The following PRRC2B variants were observed in gnomAD, a reference collection of about 807,000 sequenced individuals.
The protein encoded by PRRC2B is proline rich coiled-coil 2B, also known as protein PRRC2B.
In PRRC2B, 68 loss-of-function variants were observed where a neutral mutation model predicts 242.3. The ratio of observed to expected loss-of-function variants is 0.28; its 90% confidence interval spans 0.23 to 0.34. The LOEUF is 0.34. PRRC2B is among the 10% of genes least tolerant of loss of function. PRRC2B has a pLI of 1.00. For missense variants in PRRC2B, 2,835 were observed against 2,954.8 expected, an observed-to-expected ratio of 0.96 and a Z score of 0.94; for synonymous variants, 1,228 against 1,173.6, an observed-to-expected ratio of 1.05 and a Z score of -0.95.
intron 1 of PRRC2B, among the ~76,000 whole-genome samples, chr9:131,402,176 G>A (rs1038395369): frequency 6.6e-6 from 1 of 152,138 alleles, no homozygotes; most frequent in African/African-American, 2.4e-5. Context: ...GGCTGGTCTC[G>A]AACTCCTGAG....
Position 131,464,858 on chromosome 9 carries a change from C to T in PRRC2B, c.1500C>T (p.Ser500=), listed in dbSNP as rs370710773. 20 of 1,613,558 alleles carry T rather than the reference C, an allele frequency of 1.2e-5. No individual in the cohort carries two copies. The highest frequency in any genetic ancestry group is 4.0e-5 in the African/African-American group (3 of 74,866). ...PRQKFIQSEM[S]EAVERARKRR... is the part of the protein sequence containing the mutation. ...AGAAGTTCATTCAGTCAGAGATGTC[C>T]GAGGCGGTGGAGCGAGCCCGAAAGC... Residue 500 remains serine, a synonymous_variant, in exon 12 of 32, where the codon TCC becomes TCT. Transcript: ENST00000683519.
At position 131,487,415 on chromosome 9, in the gene PRRC2B, G is replaced by T; in HGVS notation, c.5984+121G>T. ...GCTTTGGGGCCAGTGGGGCGGGGAG[G>T]GGTGGGAGTTTGCTCTGAATCACTC... On this transcript the variant is annotated intron_variant, in intron 27 of 31. Transcript: ENST00000683519. This position sits in a 1 kb window ranked among gnomAD's most constrained non-coding sequence, Gnocchi z 5.3. 1 of 830,046 alleles carries T rather than the reference G, an allele frequency of 1.2e-6. No homozygotes were observed. The highest frequency in any genetic ancestry group is 1.8e-6 in the Non-Finnish European group (1 of 554,558). 51.4% of individuals were successfully genotyped at this position (830,046 alleles called of 1,614,324 possible).
chr9:131,435,605 A>G (rs1838330862), intron 3 of PRRC2B, among the ~76,000 whole-genome samples: 1 of 146,970 alleles, frequency 6.8e-6, no homozygotes, highest in East Asian at 2.0e-4. Context: ...GCAGAATGAG[A>G]CTCCATCTAA....
rs1943703120 is a variant in PRRC2B at position 131,476,468 on chromosome 9, C to T, written c.4339C>T (p.Pro1447Ser). Residue 1447 changes from proline to serine, a missense_variant, in exon 16 of 32, where the codon CCA becomes TCA. Coordinates refer to ENST00000683519, the MANE Select transcript of PRRC2B (RefSeq NM_013318.4). ...PGGFGEKPVR[P>S]GGGDTSPRYE... is the part of the protein sequence containing the mutation. ...AGGGTTTGGGGAGAAGCCCGTTAGGCCAGGTGGTGGTGACACCTCCCCTCG... is the reference window on the plus strand; with the variant it reads ...AGGGTTTGGGGAGAAGCCCGTTAGGTCAGGTGGTGGTGACACCTCCCCTCG... 1.2e-6 allele frequency: 2 copies of T among 1,612,918 alleles called. No individual in the cohort carries two copies. Among genetic ancestry groups the T allele is most frequent in the African/African-American group, 2.7e-5 (2 of 74,920 alleles).
Position 131,414,098 on chromosome 9 carries a change from G to C in PRRC2B, c.-51-15996G>C, listed in dbSNP as rs141959424. On this transcript the variant is annotated intron_variant, in intron 1 of 31. Coordinates refer to ENST00000683519, the MANE Select transcript of PRRC2B (RefSeq NM_013318.4). ...AAAAGATAGACAAATAGGCTGATTG[G>C]AGGGAACAGTCTTCAAACAAACTGC... Among the ~76,000 whole-genome samples, 439 of 152,306 alleles carry C rather than the reference G, an allele frequency of 2.9e-3. 1 individual carries two copies. Among genetic ancestry groups the C allele is most frequent in the Middle Eastern group, 0.014 (4 of 292 alleles).
rs748896617 is a variant in PRRC2B at position 131,475,481 on chromosome 9, C to T, written c.3352C>T (p.Pro1118Ser). The change falls in exon 16 of 32, where the codon CCA (proline) becomes TCA (serine). Residue 1118 changes from proline to serine, a missense_variant. Coordinates refer to ENST00000683519, the MANE Select transcript of PRRC2B (RefSeq NM_013318.4). ...CCGGGGCCTGCGAGAGTTTGCGCGG[C>T]CAGAGGACTGCCCCAGAGCCAAGCC... ...RGRGLREFAR[P>S]EDCPRAKPRR... The T allele has an allele frequency of 2.5e-6, 4 of 1,595,192 alleles. No individual in the cohort carries two copies. The highest frequency in any genetic ancestry group is 1.4e-5 in the African/African-American group (1 of 73,978).
At chr9:131,439,889 A>C (rs1304493097) in intron 5 of PRRC2B, among the ~76,000 whole-genome samples, 3 of 126,024 alleles carry the variant, frequency 2.4e-5, no homozygotes, top group Non-Finnish European at 4.9e-5. Flanking sequence ...GTGTACCACG[A>C]CATCTGGCTG....
intron 14 of PRRC2B, 64 bp from the exon 15 acceptor site, chr9:131,473,444 G>A (rs1360147162): frequency 2.5e-5 from 32 of 1,294,658 alleles, no homozygotes; most frequent in Non-Finnish European, 3.4e-5. Context: ...GCCTTTGGTT[G>A]ACCCTGAGAT....
Position 131,482,990 on chromosome 9 carries a change from G to A in PRRC2B, c.5373+83G>A. 1 of 1,479,140 alleles carries A rather than the reference G, an allele frequency of 6.8e-7. No homozygotes were observed. Among genetic ancestry groups the A allele is most frequent in the African/African-American group, 1.4e-5 (1 of 71,648 alleles). 91.6% of individuals were successfully genotyped at this position (1,479,140 alleles called of 1,614,324 possible). A position where few individuals can be genotyped will look rare whatever the true frequency, so the allele number is the denominator to read the frequency against. On this transcript the variant is annotated intron_variant, in intron 22 of 31. Transcript: ENST00000683519. This position sits in a 1 kb window ranked among gnomAD's most constrained non-coding sequence, Gnocchi z 5.2. Reference sequence around the variant, plus strand: ...AGAGGCTGGGGGCTCAGATGGGATTGTCTCCTAGAAGGAATAGAAGGATGG... The same window carrying A: ...AGAGGCTGGGGGCTCAGATGGGATTATCTCCTAGAAGGAATAGAAGGATGG...
In PRRC2B at chr9:131,475,577, C is replaced by G; in HGVS notation, c.3448C>G (p.Gln1150Glu). The change falls in exon 16 of 32, where the codon CAG becomes GAG. Residue 1150 changes from glutamine to glutamate, a missense_variant. Coordinates refer to ENST00000683519, the MANE Select transcript of PRRC2B (RefSeq NM_013318.4). ...EYEELPKRRRQRGSENGNEGS... is the reference protein window; with the variant it reads ...EYEELPKRRRERGSENGNEGS... Reference sequence around the variant, plus strand: ...TGAAGAACTTCCCAAGCGCCGCCGGCAGAGGGGCTCCGAGAACGGGAATGA... The same window carrying G: ...TGAAGAACTTCCCAAGCGCCGCCGGGAGAGGGGCTCCGAGAACGGGAATGA... The G allele has an allele frequency of 6.2e-7, 1 of 1,612,830 alleles. No individual in the cohort carries two copies. Among genetic ancestry groups the G allele is most frequent in the African/African-American group, 1.3e-5 (1 of 75,054 alleles).
rs58965160 is a variant in PRRC2B, at chr9:131,433,789, C to CA, written c.293+996dup. ...CTTACAAGTCTGTGCTAGAAATGAC[C>CA]ATGGTAGCTTTTGTAAAATTGTTGC... On this transcript the variant is annotated intron_variant, in intron 3 of 31. Transcript: ENST00000683519. 9.8e-4 allele frequency among the ~76,000 whole-genome samples: 149 copies of CA among 152,344 alleles called. 1 individual carries two copies. Among genetic ancestry groups the CA allele is most frequent in the African/African-American group, 3.4e-3 (140 of 41,582 alleles).
intron 9 of PRRC2B, among the ~76,000 whole-genome samples, chr9:131,448,553 A>AAAAAAAAC (rs1838896214): frequency 8.0e-6 from 1 of 125,340 alleles, no homozygotes; most frequent in African/African-American, 2.9e-5. Flanking sequence ...CAAAAAAAAA[A>AAAAAAAAC]AAAAAAAAAA....
In PRRC2B at chr9:131,459,270, G is replaced by A; in HGVS notation, c.1318G>A (p.Gly440Ser). 1 of 1,613,966 alleles carries A rather than the reference G, an allele frequency of 6.2e-7. No homozygotes were observed. The highest frequency in any genetic ancestry group is 1.3e-5 in the African/African-American group (1 of 75,050). ...AGGGAAGGACTGGGCTGAAGCAGTG[G>A]GTGCGTCCCGTGTGGTCCGAAAGGC... ...EEGKDWAEAV[G>S]ASRVVRKAPD... Residue 440 changes from glycine (G) to serine (S), a missense_variant, in exon 11 of 32, where the codon GGT becomes AGT. By Grantham distance (56) the Gly-to-Ser change is moderately conservative (BLOSUM62 0). Transcript: ENST00000683519.
In PRRC2B at chr9:131,475,620, G is replaced by GGGA. The variant is rs1450776727; in HGVS notation, c.3496_3498dup (p.Glu1166dup). 1 of 1,612,182 alleles carries GGGA rather than the reference G, an allele frequency of 6.2e-7. No homozygotes were observed. Among genetic ancestry groups the GGGA allele is most frequent in the East Asian group, 2.2e-5 (1 of 44,872 alleles). On this transcript the variant is annotated inframe_insertion, in exon 16 of 32. Coordinates refer to ENST00000683519, the MANE Select transcript of PRRC2B (RefSeq NM_013318.4). ...GGGAATGAAGGCTCGCTCCTGGAGA[G>GGGA]GGAGGAGAGCACCTTGAAGAAGGGC...
At chr9:131,495,283 G>A (rs1944300852) in intron 31 of PRRC2B, among the ~76,000 whole-genome samples, 1 of 152,088 alleles carries the variant, frequency 6.6e-6, no homozygotes, top group Admixed American at 6.6e-5. Context: ...GCTGAATCGC[G>A]GCCAGAGATC....
At chr9:131,405,118 C>T (rs2131289164) in intron 1 of PRRC2B, among the ~76,000 whole-genome samples, 1 of 152,276 alleles carries the variant, frequency 6.6e-6, no homozygotes, top group Non-Finnish European at 1.5e-5. Flanking sequence ...CTGTTTGCGG[C>T]TTTCTGTGGT....
At position 131,483,408 on chromosome 9, in the gene PRRC2B, G is replaced by T; in HGVS notation, c.5423G>T (p.Ser1808Ile). The T allele has an allele frequency of 6.2e-7, 1 of 1,613,934 alleles. No individual in the cohort carries two copies. Among genetic ancestry groups the T allele is most frequent in the Non-Finnish European group, 8.5e-7 (1 of 1,179,872 alleles). The change falls in exon 23 of 32, where the codon AGT (serine) becomes ATT (isoleucine). Residue 1808 changes from serine (S) to isoleucine (I), a missense_variant. This residue lies in a region of PRRC2B where 574 missense variants were observed against 626.0 expected (regional missense o/e 0.92). Coordinates refer to ENST00000683519, the MANE Select transcript of PRRC2B (RefSeq NM_013318.4). ...GGTTCTGCCTCTGGTCCTACTGGGA[G>T]TCCAGTTGTTAAACTTCAGGATGCC... ...PPGSASGPTG[S>I]PVVKLQDALA...
At chr9:131,404,741 A>G (rs1323477855) in intron 1 of PRRC2B, among the ~76,000 whole-genome samples, 1 of 152,210 alleles carries the variant, frequency 6.6e-6, no homozygotes, top group Admixed American at 6.5e-5. Flanking sequence ...ACGCAGACGG[A>G]TTATGTTATC....
intron 13 of PRRC2B, among the ~76,000 whole-genome samples, chr9:131,470,557 A>G (rs1454057163): frequency 6.6e-6 from 1 of 152,126 alleles, no homozygotes. Context: ...ATGAGCCTCC[A>G]TTGTGATAAT....
Sources: allele counts gnomAD v4.1 joint callset (sites outside exome capture counted in the v4.1 genomes callset), GRCh38; gene constraint gnomAD v4.1.1; regional missense constraint gnomAD v4.1.1; non-coding constraint Gnocchi (gnomAD v3.1); transcripts MANE v1.5; gene names NCBI Gene and HGNC (gene_info 2026-07-23, HGNC 2026-07-21).